Variants in MTOR observed in about 807,000 individuals in gnomAD.
The protein encoded by MTOR is serine/threonine-protein kinase mTOR.
MTOR carries 70 observed loss-of-function variants against 319.8 expected under a neutral mutation model. That is an observed-to-expected ratio of 0.22 (90% CI 0.18 to 0.27). The LOEUF (loss-of-function observed/expected upper bound fraction) is 0.27, where lower values mean the gene tolerates loss of function less well. Ranked by LOEUF, MTOR falls within the 10% of genes least tolerant of loss-of-function variation. The pLI, the probability that MTOR is intolerant of heterozygous loss-of-function variation, is 1.00. For synonymous variants in MTOR, 1,183 were observed against 1,211.4 expected (o/e 0.98, Z 0.49); for missense variants, 1,890 against 3,274.4 (o/e 0.58, Z 10.32).
At chr1:11,177,778 G>A (rs753333457) in intron 28 of MTOR, among the ~76,000 whole-genome samples, 1 of 152,064 alleles carries the variant, frequency 6.6e-6, no homozygotes, top group Non-Finnish European at 1.5e-5. Context: ...GGAAGTGCGT[G>A]GGGGAATGGG....
At chr1:11,181,359 A>T (rs890141766) in intron 28 of MTOR, among the ~76,000 whole-genome samples, 3 of 152,166 alleles carry the variant, frequency 2.0e-5, no homozygotes, top group Non-Finnish European at 4.4e-5. Flanking sequence ...CAAGTTATTG[A>T]TTTAAAAAAT....
intron 28 of MTOR, among the ~76,000 whole-genome samples, chr1:11,184,728 G>A (rs1245112893): frequency 6.6e-6 from 1 of 151,778 alleles, no homozygotes; most frequent in East Asian, 1.9e-4. Flanking sequence ...ATGAGACTAT[G>A]TCTCTAAAAA....
At chr1:11,244,616 G>A (rs1416443586) in intron 8 of MTOR, among the ~76,000 whole-genome samples, 3 of 152,138 alleles carry the variant, frequency 2.0e-5, no homozygotes, top group Admixed American at 1.3e-4. Context: ...GGGCAACAGA[G>A]CAAGACTCTG....
rs763337703 is a variant in MTOR, at chr1:11,126,969, TATA to T, written c.6351+38_6351+40del. On this transcript the variant is annotated intron_variant, in intron 45 of 57. Transcript: ENST00000361445. ...TCATAGACAGTAAAACAGAAAGGAC[TATA>T]ATGACAGTTAACCCTGCCAGGAGCC... is the stretch of plus-strand genomic sequence containing the variant. 3 of 1,611,346 alleles carry T rather than the reference TATA, an allele frequency of 1.9e-6. No individual in the cohort carries two copies. In the African/African-American group the frequency reaches 4.0e-5, roughly 22 times the overall value.
intron 25 of MTOR, among the ~76,000 whole-genome samples, chr1:11,206,824 T>C (rs1646152684): frequency 6.6e-6 from 1 of 152,214 alleles, no homozygotes; most frequent in African/African-American, 2.4e-5. Context: ...GCCAGCTTAC[T>C]CATGGTGAAG....
chr1:11,259,806 G>A (rs535533520), intron 1 of MTOR, among the ~76,000 whole-genome samples: 1 of 152,210 alleles, frequency 6.6e-6, no homozygotes, highest in African/African-American at 2.4e-5. Flanking sequence ...AGCTGGGCGT[G>A]GTGGCATGTG....
chr1:11,191,991 G>A (rs1645555176), intron 28 of MTOR, among the ~76,000 whole-genome samples: 1 of 152,178 alleles, frequency 6.6e-6, no homozygotes, highest in Non-Finnish European at 1.5e-5. Flanking sequence ...AGCTATAGCA[G>A]AATAATTTAT....
chr1:11,171,108 T>C (rs1644799509), intron 28 of MTOR, among the ~76,000 whole-genome samples: 4 of 150,260 alleles, frequency 2.7e-5, no homozygotes, highest in African/African-American at 4.9e-5. Flanking sequence ...GGCAGGAGAA[T>C]TGCTTGAACC....
intron 39 of MTOR, 89 bp downstream of exon 39, chr1:11,130,440 T>G: frequency 6.5e-7 from 1 of 1,550,046 alleles, no homozygotes; most frequent in South Asian, 1.2e-5. Flanking sequence ...AGATACAGCC[T>G]CAGGTTCCTT....
Position 11,128,259 on chromosome 1 carries a change from C to A in MTOR, c.5911-133G>T. 7.2e-7 allele frequency: 1 copy of A among 1,388,148 alleles called. No homozygotes were observed. The allele number at this position is 1,388,148 out of a possible 1,614,324, so 86.0% of individuals were successfully genotyped here. A position where few individuals can be genotyped will look rare whatever the true frequency, so the allele number is the denominator to read the frequency against. Reference sequence around the variant, plus strand: ...TCTGCTTGAGACTACCAGGAAGGGGCTCAGTCTTCGAGGGAACGCTTTCTT... The same window carrying A: ...TCTGCTTGAGACTACCAGGAAGGGGATCAGTCTTCGAGGGAACGCTTTCTT... On this transcript the variant is annotated intron_variant, in intron 42 of 57. Coordinates refer to ENST00000361445, the MANE Select transcript of MTOR (RefSeq NM_004958.4). The surrounding 1 kb of genome is among the most constrained non-coding windows in gnomAD (Gnocchi z 5.3).
intron 28 of MTOR, among the ~76,000 whole-genome samples, chr1:11,178,057 C>T (rs1479507745): frequency 6.6e-6 from 1 of 152,142 alleles, no homozygotes; most frequent in Non-Finnish European, 1.5e-5. Context: ...ATACCCGTTT[C>T]CTCCCACTGA....
intron 25 of MTOR, among the ~76,000 whole-genome samples, chr1:11,205,816 T>C (rs151199197): frequency 1.4e-4 from 22 of 152,340 alleles, no homozygotes; most frequent in African/African-American, 3.6e-4. Flanking sequence ...GCAGGACACA[T>C]CAATCCTCCC....
intron 34 of MTOR, 70 bp downstream of exon 34, chr1:11,144,578 G>C: frequency 7.5e-7 from 1 of 1,331,354 alleles, no homozygotes; most frequent in Non-Finnish European, 1.1e-6. Context: ...CAGGGTGGAG[G>C]GGGGCACTCA....
At position 11,115,313 on chromosome 1, in the gene MTOR, C is replaced by T; in HGVS notation, c.7089+83G>A. 7.2e-7 allele frequency: 1 copy of T among 1,384,908 alleles called. No individual in the cohort carries two copies. The highest frequency in any genetic ancestry group is 1.0e-6 in the Non-Finnish European group (1 of 973,206). 85.8% of individuals were successfully genotyped at this position (1,384,908 alleles called of 1,614,324 possible). A position where few individuals can be genotyped will look rare whatever the true frequency, so the allele number is the denominator to read the frequency against. ...GGGGTTAAGAGTAAGGCAGTTTGGG[C>T]TTAAGTCTGCCTACAGTGTCAGAGG... On this transcript the variant is annotated intron_variant, in intron 51 of 57. Transcript: ENST00000361445. This position sits in a 1 kb window ranked among gnomAD's most constrained non-coding sequence, Gnocchi z 4.5.
chr1:11,162,053 G>A (rs1644493728), intron 29 of MTOR, among the ~76,000 whole-genome samples: 1 of 152,118 alleles, frequency 6.6e-6, no homozygotes, highest in Non-Finnish European at 1.5e-5. Flanking sequence ...TGAGACGAAT[G>A]GCTAACTAGA....
chr1:11,164,522 A>G (rs961737816), intron 29 of MTOR, among the ~76,000 whole-genome samples: 8 of 152,152 alleles, frequency 5.3e-5, no homozygotes, highest in African/African-American at 1.9e-4. Context: ...CTGGACACAT[A>G]CACCCTCCCA....
chr1:11,106,926 CA>C lies in MTOR; in HGVS notation c.*558del. ...CAGCATCACTGGGTCTGATGGAAGACAGACCTTTTGTACTCATTTTGGCCTA... is the reference window on the plus strand; with the variant it reads ...CAGCATCACTGGGTCTGATGGAAGACGACCTTTTGTACTCATTTTGGCCTA... On this transcript the variant is annotated 3_prime_UTR_variant, in exon 58 of 58. Coordinates refer to ENST00000361445, the MANE Select transcript of MTOR (RefSeq NM_004958.4). 7.3e-7 allele frequency: 1 copy of C among 1,369,714 alleles called. No individual in the cohort carries two copies. Among genetic ancestry groups the C allele is most frequent in the Non-Finnish European group, 9.6e-7 (1 of 1,038,530 alleles). 84.8% of individuals were successfully genotyped at this position (1,369,714 alleles called of 1,614,324 possible).
intron 46 of MTOR, among the ~76,000 whole-genome samples, chr1:11,125,353 A>C (rs1232181372): frequency 6.6e-6 from 1 of 152,240 alleles, no homozygotes; most frequent in Admixed American, 6.5e-5. Context: ...ACAACAGCTC[A>C]TGCAGAGATA....
intron 19 of MTOR, chr1:11,226,495 T>C (rs190275424): frequency 6.6e-6 from 1 of 152,218 alleles, no homozygotes; most frequent in Admixed American, 6.5e-5. Flanking sequence ...CTGCATCTAA[T>C]TAACATGGAA....
Sources: allele counts gnomAD v4.1 joint callset (sites outside exome capture counted in the v4.1 genomes callset), GRCh38; gene constraint gnomAD v4.1.1; non-coding constraint Gnocchi (gnomAD v3.1); transcripts MANE v1.5; gene names NCBI Gene and HGNC (gene_info 2026-07-23, HGNC 2026-07-21).